The following GRIK1 variants were observed in gnomAD, a reference collection of about 807,000 sequenced individuals.
GRIK1 encodes glutamate ionotropic receptor kainate type subunit 1, also known as glutamate receptor ionotropic, kainate 1.
A neutral mutation model predicts 105.7 loss-of-function variants in GRIK1; 69 were observed. That is an observed-to-expected ratio of 0.65 (90% CI 0.54 to 0.80). The LOEUF is 0.80. Ranked by LOEUF, GRIK1 falls within the 30% of genes least tolerant of loss-of-function variation. The pLI is 0.00. For missense variants in GRIK1, 1,109 were observed against 1,167.3 expected (o/e 0.95, Z 0.73); for synonymous variants, 438 against 431.3 (o/e 1.02, Z -0.19).
intron 1 of GRIK1, among the ~76,000 whole-genome samples, chr21:29,740,495 C>T (rs900325503): frequency 5.9e-5 from 9 of 152,094 alleles, no homozygotes; most frequent in Non-Finnish European, 1.0e-4. Flanking sequence ...GGATTTCAGG[C>T]GTGAGCCATC....
chr21:29,572,480 T>C (rs77743239), intron 14 of GRIK1, among the ~76,000 whole-genome samples: 3,748 of 152,198 alleles, frequency 0.025, 150 homozygotes, highest in African/African-American at 0.084. Context: ...CTCTCTCTGA[T>C]AGAAATCCAC....
intron 1 of GRIK1, among the ~76,000 whole-genome samples, chr21:29,722,716 A>G (rs1325114888): frequency 6.6e-6 from 1 of 152,156 alleles, no homozygotes; most frequent in Admixed American, 6.5e-5. Context: ...AATTATATGG[A>G]GAATCAGAAA....
At chr21:29,832,466 C>T (rs946465064) in intron 1 of GRIK1, among the ~76,000 whole-genome samples, 14 of 152,204 alleles carry the variant, frequency 9.2e-5, no homozygotes, top group African/African-American at 3.4e-4. Context: ...CAGGCATTTC[C>T]ATACACCCTC....
At chr21:29,649,233 A>G (rs898335571) in intron 6 of GRIK1, among the ~76,000 whole-genome samples, 1 of 152,188 alleles carries the variant, frequency 6.6e-6, no homozygotes, top group African/African-American at 2.4e-5. Flanking sequence ...TATCTGCATG[A>G]CTGTTGGATA....
chr21:29,759,062 C>A (rs2065433635), intron 1 of GRIK1: 2 of 152,948 alleles, frequency 1.3e-5, no homozygotes, highest in African/African-American at 2.4e-5. Context: ...CTCTGTGAGA[C>A]CTTCAGAAAT....
intron 1 of GRIK1, among the ~76,000 whole-genome samples, chr21:29,846,452 G>GAGAGAGAGAGAAA (rs1472713302): frequency 8.7e-6 from 1 of 114,368 alleles, no homozygotes; most frequent in African/African-American, 3.5e-5. Context: ...AAGGAAAGAA[G>GAGAGAGAGAGAAA]GAAAGAGAGA....
In GRIK1 at chr21:29,560,357, T is replaced by TTCTTTCTTTCTC. The variant is rs1555835104; in HGVS notation, c.2356+1266_2356+1267insGAGAAAGAAAGA. On this transcript the variant is annotated intron_variant, in intron 15 of 17. Transcript: ENST00000327783. ...TTTCTTTCTTTCTTTCTTTCTTTCT[T>TTCTTTCTTTCTC]TTTCTTTCTTCCTTCCTTCCTTCCT... Among the ~76,000 whole-genome samples the TTCTTTCTTTCTC allele has an allele frequency of 1.4e-4, 8 of 58,186 alleles. 2 individuals are homozygous for TTCTTTCTTTCTC. The highest frequency in any genetic ancestry group is 6.6e-4 in the African/African-American group (8 of 12,048). 38.2% of individuals were successfully genotyped at this position (58,186 alleles called of 152,430 possible).
In GRIK1 at chr21:29,888,197, C is replaced by T. The variant is rs1329144508; in HGVS notation, c.118+51186G>A. On this transcript the variant is annotated intron_variant, in intron 1 of 17. Transcript: ENST00000327783. Reference sequence around the variant, plus strand: ...TCTTTCTTTCTTCCTTTCTTTCTTTCTCTCTCTCTCTCTCTCTCTCTCTCT... The same window carrying T: ...TCTTTCTTTCTTCCTTTCTTTCTTTTTCTCTCTCTCTCTCTCTCTCTCTCT... 4.2e-3 allele frequency among the ~76,000 whole-genome samples: 93 copies of T among 22,314 alleles called. 1 individual carries two copies. The highest frequency in any genetic ancestry group is 6.2e-3 in the African/African-American group (64 of 10,264). 14.6% of individuals were successfully genotyped at this position (22,314 alleles called of 152,430 possible). A position where few individuals can be genotyped will look rare whatever the true frequency, so the allele number is the denominator to read the frequency against.
rs2063193498 is a variant in GRIK1 at position 29,673,177 on chromosome 21, A to T, written c.545-13T>A. The T allele has an allele frequency of 6.5e-7, 1 of 1,535,366 alleles. No individual in the cohort carries two copies. The highest frequency in any genetic ancestry group is 1.4e-5 in the African/African-American group (1 of 73,516). ...AGACGAATTAGACCTAGAAAATGAC[A>T]TGCAATCATGCAATGGAGACTGTTC... On this transcript the variant is annotated splice_polypyrimidine_tract_variant and intron_variant, in intron 3 of 17. Coordinates refer to ENST00000327783, the MANE Select transcript of GRIK1 (RefSeq NM_001330994.2).
intron 1 of GRIK1, among the ~76,000 whole-genome samples, chr21:29,782,591 A>G (rs1187285168): frequency 6.6e-6 from 1 of 152,172 alleles, no homozygotes; most frequent in Admixed American, 6.5e-5. Flanking sequence ...TGCCTGTTAC[A>G]GGCAGAGAGA....
At chr21:29,700,165 C>T (rs1317685785) in intron 1 of GRIK1, among the ~76,000 whole-genome samples, 1 of 152,102 alleles carries the variant, frequency 6.6e-6, no homozygotes, top group African/African-American at 2.4e-5. Context: ...ACTCTTGAAC[C>T]AGTGAAGTGC....
chr21:29,637,529 G>A (rs759434323), intron 7 of GRIK1, among the ~76,000 whole-genome samples: 5 of 152,184 alleles, frequency 3.3e-5, no homozygotes, highest in Admixed American at 6.5e-5. Flanking sequence ...AATAGGAGGT[G>A]GGGGCTTTGG....
Position 29,879,003 on chromosome 21 carries a change from G to C in GRIK1, c.118+60380C>G, listed in dbSNP as rs188132976. On this transcript the variant is annotated intron_variant, in intron 1 of 17. Transcript: ENST00000327783. ...TACGTCACTCGTTTTATGGTCCTTT[G>C]TCATAGCAGCTCGATTAACTAAGAC... Among the ~76,000 whole-genome samples, 301 of 152,190 alleles carry C rather than the reference G, an allele frequency of 2.0e-3. 6 individuals are homozygous for C. The South Asian group carries it at 0.059, about 30-fold the overall frequency.
Position 29,537,266 on chromosome 21 carries a change from A to G in GRIK1, c.2814T>C (p.His938=), listed in dbSNP as rs923836092. 5 of 1,610,444 alleles carry G rather than the reference A, an allele frequency of 3.1e-6. No homozygotes were observed. Among genetic ancestry groups the G allele is most frequent in the Admixed American group, 3.4e-5 (2 of 59,586 alleles). ...KSSFTSILTC[H]QRRTQRKETV... ...TCTCTTTTCTCTGAGTTCGTCTCTG[A>G]TGACAAGTAAGGATACTTGTGAAGG... Residue 938 remains histidine (H), a synonymous_variant, in exon 18 of 18, where the codon CAT becomes CAC. Coordinates refer to ENST00000327783, the MANE Select transcript of GRIK1 (RefSeq NM_001330994.2).
chr21:29,903,825 A>G (rs364304), intron 1 of GRIK1, among the ~76,000 whole-genome samples: 33,630 of 152,136 alleles, frequency 0.22, 4,238 homozygotes, highest in African/African-American at 0.34. Context: ...ACATGCACAC[A>G]TATATTTATT....
At chr21:29,898,476 G>A (rs976529803) in intron 1 of GRIK1, among the ~76,000 whole-genome samples, 6 of 152,172 alleles carry the variant, frequency 3.9e-5, no homozygotes, top group African/African-American at 1.4e-4. Context: ...CAGAGACACT[G>A]ACTAATAAGC....
chr21:29,762,962 C>T (rs1451036487), intron 1 of GRIK1, among the ~76,000 whole-genome samples: 1 of 152,222 alleles, frequency 6.6e-6, no homozygotes, highest in African/African-American at 2.4e-5. Context: ...ATTCTTCTCC[C>T]ATTCCTCCAG....
chr21:29,565,969 C>T (rs981087456), intron 14 of GRIK1, among the ~76,000 whole-genome samples: 8 of 152,228 alleles, frequency 5.3e-5, no homozygotes, highest in Middle Eastern at 3.4e-3. Flanking sequence ...GAGTTCTGTC[C>T]GCTGCATGCC....
intron 1 of GRIK1, among the ~76,000 whole-genome samples, chr21:29,927,404 A>G (rs2071407922): frequency 6.6e-6 from 1 of 150,486 alleles, no homozygotes; most frequent in Non-Finnish European, 1.5e-5. Flanking sequence ...ATTTATGTAT[A>G]CTATGTAGTA....
Sources: gnomAD v4.1 joint callset for allele counts (sites outside exome capture counted in the v4.1 genomes callset) on GRCh38, gnomAD v4.1.1 for gene constraint, MANE v1.5 for transcripts, NCBI Gene and HGNC (gene_info 2026-07-23, HGNC 2026-07-21) for gene names.